The following CDH13 variants were observed in gnomAD, a reference collection of about 807,000 sequenced individuals.
The protein encoded by CDH13 is cadherin 13.
In CDH13, 24 loss-of-function variants were observed where a neutral mutation model predicts 63.8. The ratio of observed to expected loss-of-function variants is 0.38; its 90% CI spans 0.27 to 0.53. The LOEUF is 0.53. Among genes scored for constraint, CDH13 ranks in the 20% least tolerant of loss-of-function variants. CDH13 has a pLI of 0.85. For missense variants in CDH13, 1,049 were observed against 903.1 expected (o/e 1.16, Z -2.07); for synonymous variants, 503 against 355.3 (o/e 1.42, Z -4.67).
chr16:82,839,154 G>C (rs1488369974), intron 1 of CDH13, among the ~76,000 whole-genome samples: 1 of 152,198 alleles, frequency 6.6e-6, no homozygotes, highest in Non-Finnish European at 1.5e-5. Context: ...AACTCAGAGG[G>C]AGAGAGGAGA....
chr16:82,850,098 A>C (rs2039421863), intron 1 of CDH13, among the ~76,000 whole-genome samples: 1 of 152,238 alleles, frequency 6.6e-6, no homozygotes. Context: ...ACTATCAAAG[A>C]AATACATTTT....
intron 7 of CDH13, among the ~76,000 whole-genome samples, chr16:83,600,297 A>T (rs886173139): frequency 2.0e-5 from 3 of 152,186 alleles, no homozygotes; most frequent in South Asian, 2.1e-4. Flanking sequence ...AAACCGAAAC[A>T]TGAGGCGTAG....
intron 7 of CDH13, among the ~76,000 whole-genome samples, chr16:83,578,043 A>G (rs868058935): frequency 3.3e-5 from 5 of 152,208 alleles, no homozygotes; most frequent in African/African-American, 1.2e-4. Flanking sequence ...GTCATTAAAT[A>G]TTCCCCTACT....
At chr16:83,194,132 G>A (rs548103903) in intron 4 of CDH13, among the ~76,000 whole-genome samples, 1 of 152,300 alleles carries the variant, frequency 6.6e-6, no homozygotes, top group East Asian at 1.9e-4. Context: ...ATGAAGAATG[G>A]TTTTTCTAAA....
intron 6 of CDH13, among the ~76,000 whole-genome samples, chr16:83,367,070 A>G (rs1426891735): frequency 6.6e-6 from 1 of 152,198 alleles, no homozygotes; most frequent in Non-Finnish European, 1.5e-5. Flanking sequence ...AATCAATTTT[A>G]GAACATTTAA....
intron 6 of CDH13, among the ~76,000 whole-genome samples, chr16:83,372,896 C>T (rs1348080790): frequency 1.3e-5 from 2 of 152,116 alleles, no homozygotes; most frequent in African/African-American, 2.4e-5. Context: ...ACAGAATCCT[C>T]ACTGCCTATG....
At chr16:83,661,803 A>G (rs966377350) in intron 8 of CDH13, among the ~76,000 whole-genome samples, 1 of 152,308 alleles carries the variant, frequency 6.6e-6, no homozygotes, top group Admixed American at 6.5e-5. Context: ...AACACATGGA[A>G]ATATCTCATA....
At chr16:83,210,562 C>T (rs2039310889) in intron 4 of CDH13, among the ~76,000 whole-genome samples, 1 of 152,028 alleles carries the variant, frequency 6.6e-6, no homozygotes, top group African/African-American at 2.4e-5. Flanking sequence ...GTACGGCATA[C>T]TGTTCTAGGC....
intron 6 of CDH13, among the ~76,000 whole-genome samples, chr16:83,422,770 G>A (rs1345530069): frequency 6.6e-6 from 1 of 152,072 alleles, no homozygotes; most frequent in Non-Finnish European, 1.5e-5. Flanking sequence ...AACTTTAAAA[G>A]GAAGATAATA....
rs149875680 is a variant in CDH13 at position 83,695,182 on chromosome 16, G to A, written c.1538+16721G>A. 3.0e-3 allele frequency among the ~76,000 whole-genome samples: 462 copies of A among 152,200 alleles called. 4 individuals carry two copies. Among genetic ancestry groups the A allele is most frequent in the African/African-American group, 0.011 (445 of 41,518 alleles). On this transcript the variant is annotated intron_variant, in intron 10 of 13. Transcript: ENST00000567109. The stretch of plus-strand genomic sequence containing the variant: ...AGATCATGCCACTGTACTCCAGCCT[G>A]GGCAACAGACTGAGACTCTGTTTCA...
chr16:83,320,166 A>C (rs1300896903), intron 5 of CDH13, among the ~76,000 whole-genome samples: 1 of 151,656 alleles, frequency 6.6e-6, no homozygotes, highest in African/African-American at 2.4e-5. Flanking sequence ...CAACCTCACG[A>C]GTAGCTACGA....
intron 4 of CDH13, among the ~76,000 whole-genome samples, chr16:83,211,923 T>C (rs1238609704): frequency 6.6e-6 from 1 of 151,966 alleles, no homozygotes; most frequent in African/African-American, 2.4e-5. Context: ...AAAAAAAACA[T>C]CCCACTGTGA....
intron 5 of CDH13, among the ~76,000 whole-genome samples, chr16:83,272,939 T>G (rs2088869888): frequency 6.6e-6 from 1 of 152,220 alleles, no homozygotes; most frequent in Admixed American, 6.5e-5. Context: ...TTTCCATTTC[T>G]AATTGTTAAT....
At chr16:83,692,823 C>T (rs1011243329) in intron 10 of CDH13, among the ~76,000 whole-genome samples, 1 of 152,190 alleles carries the variant, frequency 6.6e-6, no homozygotes, top group Non-Finnish European at 1.5e-5. Context: ...GTGGCTTACA[C>T]CTGTAATCCT....
intron 1 of CDH13, among the ~76,000 whole-genome samples, chr16:82,673,268 C>G (rs1049328801): frequency 2.6e-5 from 4 of 152,122 alleles, no homozygotes; most frequent in African/African-American, 4.8e-5. Flanking sequence ...CCGTGTGTCT[C>G]TTTCCTCTGT....
At chr16:83,408,697 G>T (rs12929342) in intron 6 of CDH13, among the ~76,000 whole-genome samples, 9,484 of 152,310 alleles carry the variant, frequency 0.062, 383 homozygotes, top group Middle Eastern at 0.12. Context: ...ATAGAAGCAT[G>T]AAGAATGTAG....
intron 3 of CDH13, among the ~76,000 whole-genome samples, chr16:83,080,028 C>T (rs1284826107): frequency 6.6e-6 from 1 of 152,190 alleles, no homozygotes; most frequent in Non-Finnish European, 1.5e-5. Context: ...TGTCTCATCC[C>T]TTTTCAAGGA....
intron 1 of CDH13, among the ~76,000 whole-genome samples, chr16:82,793,451 G>GAA (rs11453426): frequency 5.3e-5 from 8 of 151,736 alleles, no homozygotes; most frequent in African/African-American, 9.7e-5. Context: ...TTATAGAGGT[G>GAA]AAAAAATACC....
At chr16:83,506,166 G>C (rs1273796705) in intron 7 of CDH13, among the ~76,000 whole-genome samples, 1 of 152,166 alleles carries the variant, frequency 6.6e-6, no homozygotes, top group Non-Finnish European at 1.5e-5. Flanking sequence ...AAAAGGCCAA[G>C]GGGAGGAAAG....
Sources: gnomAD v4.1 joint callset for allele counts (sites outside exome capture counted in the v4.1 genomes callset) on GRCh38, gnomAD v4.1.1 for gene constraint, MANE v1.5 for transcripts, NCBI Gene and HGNC (gene_info 2026-07-23, HGNC 2026-07-21) for gene names.